Variants in RNF44 observed in about 807,000 individuals in gnomAD.
RNF44 encodes ring finger protein 44.
Under a neutral mutation model 53.6 loss-of-function variants are expected in RNF44, and 25 were observed. That is an observed-to-expected ratio of 0.47 (90% CI 0.34 to 0.65). The LOEUF is 0.65. RNF44 is among the 30% of genes least tolerant of loss of function. The pLI is 0.01. For missense variants in RNF44, 581 were observed against 595.5 expected (o/e 0.98, Z 0.25); for synonymous variants, 282 against 252.2 (o/e 1.12, Z -1.12).
Position 176,531,200 on chromosome 5 carries a change from G to C in RNF44, c.466-179C>G, listed in dbSNP as rs542704099. Among the ~76,000 whole-genome samples the C allele has an allele frequency of 1.3e-5, 2 of 152,204 alleles. No homozygotes were observed. The highest frequency in any genetic ancestry group is 2.9e-5 in the Non-Finnish European group (2 of 68,012). ...GGCCACCCAGGCAGGACACTCCACTGTTAAGGCCCACAGCCTCAACTCCTG... is the reference window on the plus strand; with the variant it reads ...GGCCACCCAGGCAGGACACTCCACTCTTAAGGCCCACAGCCTCAACTCCTG... On this transcript the variant is annotated intron_variant, in intron 4 of 10. Transcript: ENST00000274811. This position sits in a 1 kb window ranked among gnomAD's most constrained non-coding sequence, Gnocchi z 4.2.
chr5:176,531,757 GTGCAGACCAGACTGTGCC>G lies in RNF44; in HGVS notation c.298-145_298-128del. 9.8e-7 allele frequency: 1 copy of G among 1,024,798 alleles called. No homozygotes were observed. Among genetic ancestry groups the G allele is most frequent in the Non-Finnish European group, 1.4e-6 (1 of 715,678 alleles). The allele number at this position is 1,024,798 out of a possible 1,614,324, so 63.5% of individuals were successfully genotyped here. A position where few individuals can be genotyped will look rare whatever the true frequency, so the allele number is the denominator to read the frequency against. The stretch of plus-strand genomic sequence containing the variant: ...CCCTTCTCCACGGCGGCCTACCTCA[GTGCAGACCAGACTGTGCC>G]TCTACTCCCAGGCCCCCGGGGCAGA... On this transcript the variant is annotated intron_variant, in intron 3 of 10. Coordinates refer to ENST00000274811, the MANE Select transcript of RNF44 (RefSeq NM_014901.5). This position sits in a 1 kb window ranked among gnomAD's most constrained non-coding sequence, Gnocchi z 4.2.
chr5:176,539,304 G>A (rs1262811414), upstream of RNF44, among the ~76,000 whole-genome samples: 1 of 152,224 alleles, frequency 6.6e-6, no homozygotes, highest in Non-Finnish European at 1.5e-5. Context: ...ACAAGGTTAT[G>A]TCTTTACCCA....
At position 176,530,917 on chromosome 5, in the gene RNF44, T is replaced by TGGGGGGG; in HGVS notation, c.569_570insCCCCCCC (p.Gln193ThrfsTer141). 1 of 232,854 alleles carries TGGGGGGG rather than the reference T, an allele frequency of 4.3e-6. No individual in the cohort carries two copies. The highest frequency in any genetic ancestry group is 7.0e-6 in the Non-Finnish European group (1 of 143,576). The allele number at this position is 232,854 out of a possible 1,614,324, so 14.4% of individuals were successfully genotyped here. Reference sequence around the variant, plus strand: ...GCGCCATGTGGGTGGGCTGGGGGGGTGGGGCCGGTGGTGGGGGGTGCAGGA... The same window carrying TGGGGGGG: ...GCGCCATGTGGGTGGGCTGGGGGGGTGGGGGGGGGGGCCGGTGGTGGGGGGTGCAGGA... On this transcript the variant is annotated frameshift_variant, in exon 5 of 11. Transcript: ENST00000274811. LOFTEE classifies it high-confidence loss of function.
chr5:176,529,592 G>C lies in RNF44; in HGVS notation c.1067C>G (p.Thr356Ser). ...RLGDAKPRGL[T>S]KADIEQLPSY... ...CGGGAGCTGCTCTATGTCTGCTTTG[G>C]TGAGACCCCGGGGCTTGGCATCTCC... Residue 356 changes from threonine to serine, a missense_variant, in exon 9 of 11, where the codon ACC (threonine) becomes AGC (serine). Coordinates refer to ENST00000274811, the MANE Select transcript of RNF44 (RefSeq NM_014901.5). 6.2e-7 allele frequency: 1 copy of C among 1,614,024 alleles called. No homozygotes were observed. The highest frequency in any genetic ancestry group is 1.7e-5 in the Admixed American group (1 of 60,032).
chr5:176,530,921 G>GGGGGGGGGGGGGGGGGGGGC lies in RNF44; in HGVS notation c.565_566insGCCCCCCCCCCCCCCCCCCC (p.Ala189GlyfsTer91). 1.2e-5 allele frequency: 9 copies of GGGGGGGGGGGGGGGGGGGGC among 778,368 alleles called. No homozygotes were observed. The highest frequency in any genetic ancestry group is 3.5e-5 in the East Asian group (1 of 28,684). The allele number at this position is 778,368 out of a possible 1,614,324, so 48.2% of individuals were successfully genotyped here. On this transcript the variant is annotated frameshift_variant, in exon 5 of 11. Coordinates refer to ENST00000274811, the MANE Select transcript of RNF44 (RefSeq NM_014901.5). LOFTEE classifies it high-confidence loss of function. ...CATGTGGGTGGGCTGGGGGGGTGGG[G>GGGGGGGGGGGGGGGGGGGGC]CCGGTGGTGGGGGGTGCAGGATGTA...
intron 2 of RNF44, 52 bp from the exon 3 acceptor site, chr5:176,532,245 C>A: frequency 6.7e-7 from 1 of 1,498,308 alleles, no homozygotes; most frequent in Non-Finnish European, 8.9e-7. Flanking sequence ...CACTCGTGCA[C>A]AGAGCAGGGA....
chr5:176,540,485 A>G (rs1485542768), upstream of RNF44, among the ~76,000 whole-genome samples: 1 of 152,240 alleles, frequency 6.6e-6, no homozygotes, highest in Non-Finnish European at 1.5e-5. Context: ...GACTAGCTCA[A>G]AGACCACTCC....
Position 176,529,713 on chromosome 5 carries a change from C to T in RNF44, c.1014+18G>A. 1 of 1,610,268 alleles carries T rather than the reference C, an allele frequency of 6.2e-7. No individual in the cohort carries two copies. Among genetic ancestry groups the T allele is most frequent in the Non-Finnish European group, 8.5e-7 (1 of 1,178,132 alleles). On this transcript the variant is annotated intron_variant, in intron 8 of 10. Coordinates refer to ENST00000274811, the MANE Select transcript of RNF44 (RefSeq NM_014901.5). ...AGGTCTCCCAAACCCCACCTCCCAGCATGGGGCTCCATGGGACCTCATAGT... is the reference window on the plus strand; with the variant it reads ...AGGTCTCCCAAACCCCACCTCCCAGTATGGGGCTCCATGGGACCTCATAGT...
rs61169311 is a variant in RNF44 at position 176,537,013 on chromosome 5, A to AGGGGGGGGGGGGGG, written c.-119_-118insCCCCCCCCCCCCCC. 2.3e-4 allele frequency: 18 copies of AGGGGGGGGGGGGGG among 77,462 alleles called. No homozygotes were observed. Among genetic ancestry groups the AGGGGGGGGGGGGGG allele is most frequent in the East Asian group, 4.5e-4 (1 of 2,244 alleles). 4.8% of individuals were successfully genotyped at this position (77,462 alleles called of 1,614,324 possible). On this transcript the variant is annotated 5_prime_UTR_variant, in exon 1 of 11. Coordinates refer to ENST00000274811, the MANE Select transcript of RNF44 (RefSeq NM_014901.5). ...GGCCAAACTGGGCAGGGGGCGGGGG[A>AGGGGGGGGGGGGGG]GGGGGGGGGTGCCTGTCTGGATCCT...
chr5:176,529,593 T>G lies in RNF44; in HGVS notation c.1066A>C (p.Thr356Pro). 1.2e-6 allele frequency: 2 copies of G among 1,613,986 alleles called. No homozygotes were observed. Among genetic ancestry groups the G allele is most frequent in the Non-Finnish European group, 1.7e-6 (2 of 1,180,010 alleles). ...RLGDAKPRGLTKADIEQLPSY... is the reference protein window; with the variant it reads ...RLGDAKPRGLPKADIEQLPSY... The stretch of plus-strand genomic sequence containing the variant: ...GGGAGCTGCTCTATGTCTGCTTTGG[T>G]GAGACCCCGGGGCTTGGCATCTCCC... Residue 356 changes from threonine (T) to proline (P), a missense_variant, in exon 9 of 11, where the codon ACC (threonine) becomes CCC (proline). This residue lies in a region of RNF44 where 183 missense variants were observed against 198.6 expected (regional missense o/e 0.92). Coordinates refer to ENST00000274811, the MANE Select transcript of RNF44 (RefSeq NM_014901.5).
rs1318221165 is a variant in RNF44, at chr5:176,528,996, C to A, written c.*32G>T. The stretch of plus-strand genomic sequence containing the variant: ...ACCCACAAGTTTCCAGAGCTTCAGG[C>A]AGGGTTCTCCCGGGCAGGCGGCTGC... On this transcript the variant is annotated 3_prime_UTR_variant, in exon 11 of 11. Coordinates refer to ENST00000274811, the MANE Select transcript of RNF44 (RefSeq NM_014901.5). 1.9e-6 allele frequency: 3 copies of A among 1,601,602 alleles called. No individual in the cohort carries two copies. The highest frequency in any genetic ancestry group is 1.1e-5 in the South Asian group (1 of 89,674).
rs1399489061 is a variant in RNF44, at chr5:176,528,993, A to C, written c.*35T>G. The C allele has an allele frequency of 6.3e-7, 1 of 1,599,196 alleles. No homozygotes were observed. Among genetic ancestry groups the C allele is most frequent in the South Asian group, 1.1e-5 (1 of 89,526 alleles). On this transcript the variant is annotated 3_prime_UTR_variant, in exon 11 of 11. Coordinates refer to ENST00000274811, the MANE Select transcript of RNF44 (RefSeq NM_014901.5). ...CCCACCCACAAGTTTCCAGAGCTTC[A>C]GGCAGGGTTCTCCCGGGCAGGCGGC...
At chr5:176,542,355 G>A (rs1157086944), upstream of RNF44, among the ~76,000 whole-genome samples, 2 of 147,904 alleles carry the variant, frequency 1.4e-5, no homozygotes, top group Non-Finnish European at 3.0e-5. Context: ...TTCTCGGTGG[G>A]TCAACAGTGG....
chr5:176,530,744 C>T lies in RNF44; in HGVS notation c.640-1G>A, dbSNP rs1756576597. 1 of 1,531,752 alleles carries T rather than the reference C, an allele frequency of 6.5e-7. No individual in the cohort carries two copies. The highest frequency in any genetic ancestry group is 2.6e-5 in the East Asian group (1 of 38,260). 94.9% of individuals were successfully genotyped at this position (1,531,752 alleles called of 1,614,324 possible). On this transcript the variant is annotated splice_acceptor_variant, in intron 5 of 10. Coordinates refer to ENST00000274811, the MANE Select transcript of RNF44 (RefSeq NM_014901.5). LOFTEE classifies it high-confidence loss of function. ...CGTCGTTGTCGAGCCGCTGGAGGGGCTGGAAGAACCAGCGCCGGGTCAGCA... is the reference window on the plus strand; with the variant it reads ...CGTCGTTGTCGAGCCGCTGGAGGGGTTGGAAGAACCAGCGCCGGGTCAGCA...
At chr5:176,538,181 G>C (rs766066817), upstream of RNF44, among the ~76,000 whole-genome samples, 1 of 152,236 alleles carries the variant, frequency 6.6e-6, no homozygotes, top group Admixed American at 6.5e-5. Flanking sequence ...GGCTGGGCTT[G>C]AGAGTTTGGT....
At chr5:176,539,418 G>C (rs536085594), upstream of RNF44, among the ~76,000 whole-genome samples, 1 of 152,112 alleles carries the variant, frequency 6.6e-6, no homozygotes, top group Non-Finnish European at 1.5e-5. Flanking sequence ...GGCCGGGCAC[G>C]GTGGCTCACG....
Position 176,530,917 on chromosome 5 carries a change from T to TGGGGGGGGGGGGGGG in RNF44, c.569_570insCCCCCCCCCCCCCCC (p.Pro192_Gln193insProProProProPro). ...GCGCCATGTGGGTGGGCTGGGGGGG[T>TGGGGGGGGGGGGGGG]GGGGCCGGTGGTGGGGGGTGCAGGA... On this transcript the variant is annotated inframe_insertion, in exon 5 of 11. Transcript: ENST00000274811. The TGGGGGGGGGGGGGGG allele has an allele frequency of 4.3e-5, 10 of 232,796 alleles. No individual in the cohort carries two copies. Among genetic ancestry groups the TGGGGGGGGGGGGGGG allele is most frequent in the Middle Eastern group, 7.9e-4 (1 of 1,262 alleles). 14.4% of individuals were successfully genotyped at this position (232,796 alleles called of 1,614,324 possible).
chr5:176,526,776 T>A lies in RNF44; in HGVS notation c.*2252A>T, dbSNP rs1011198435. The A allele has an allele frequency of 6.6e-5, 10 of 152,532 alleles. No individual in the cohort carries two copies. The highest frequency in any genetic ancestry group is 2.4e-4 in the African/African-American group (10 of 41,474). The allele number at this position is 152,532 out of a possible 1,614,324, so 9.4% of individuals were successfully genotyped here. On this transcript the variant is annotated 3_prime_UTR_variant, in exon 11 of 11. Coordinates refer to ENST00000274811, the MANE Select transcript of RNF44 (RefSeq NM_014901.5). ...AAATCAGCAACAATATTAAAAAAAA[T>A]AATGATTGCACTACTTGGTCAAGCA... is the stretch of plus-strand genomic sequence containing the variant.
chr5:176,532,018 C>T lies in RNF44; in HGVS notation c.283G>A (p.Asp95Asn), dbSNP rs777729702. Residue 95 changes from aspartate to asparagine, a missense_variant, in exon 3 of 11, where the codon GAT becomes AAT. By Grantham distance (23) the Asp-to-Asn change is conservative. Transcript: ENST00000274811. ...PATQQSPFMV[D>N]LHEQVHQGPV... ...GTTCTGCCTACCTGCTCGTGGAGAT[C>T]AACCATGAACGGGCTCTGCTGGGTG... 4.3e-6 allele frequency: 7 copies of T among 1,610,582 alleles called. No individual in the cohort carries two copies. The East Asian group carries it at 1.6e-4, about 36-fold the overall frequency.
Sources: allele counts gnomAD v4.1 joint callset (sites outside exome capture counted in the v4.1 genomes callset), GRCh38; gene constraint gnomAD v4.1.1; regional missense constraint gnomAD v4.1.1; non-coding constraint Gnocchi (gnomAD v3.1); transcripts MANE v1.5; gene names NCBI Gene and HGNC (gene_info 2026-07-23, HGNC 2026-07-21).